PALLD: variants seen among roughly 807,000 people sequenced by gnomAD.
PALLD encodes palladin.
Under a neutral mutation model 123.5 loss-of-function variants are expected in PALLD, and 61 were observed. The observed-to-expected ratio is 0.49, with a 90% confidence interval of 0.40 to 0.61. PALLD has a LOEUF of 0.61. Ranked by LOEUF, PALLD falls within the 20% of genes least tolerant of loss-of-function variation. The pLI, the probability that PALLD is intolerant of heterozygous loss-of-function variation, is 0.00. For missense variants in PALLD, 1,273 were observed against 1,377.0 expected (o/e 0.92, Z 1.20); for synonymous variants, 465 against 496.4 (o/e 0.94, Z 0.84).
At position 168,597,285 on chromosome 4, in the gene PALLD, G is replaced by T. The variant is rs1425160886; in HGVS notation, c.909-70905G>T. ...TTTTAACACTACCTAGAATTAGCAA[G>T]AGTGTGGGGAAACAGGCACTCTCAT... On this transcript the variant is annotated intron_variant, in intron 2 of 21. Transcript: ENST00000505667. 2.0e-5 allele frequency among the ~76,000 whole-genome samples: 3 copies of T among 152,068 alleles called. No individual in the cohort carries two copies. The East Asian group carries it at 5.8e-4, about 29-fold the overall frequency.
intron 10 of PALLD, among the ~76,000 whole-genome samples, chr4:168,805,489 T>C (rs944781220): frequency 8.5e-5 from 13 of 152,340 alleles, no homozygotes; most frequent in South Asian, 6.2e-4. Flanking sequence ...TCCAATCCGA[T>C]GCTTAAACTT....
intron 10 of PALLD, among the ~76,000 whole-genome samples, chr4:168,766,463 C>T (rs953985400): frequency 1.3e-5 from 2 of 152,188 alleles, no homozygotes; most frequent in Admixed American, 6.5e-5. Context: ...TGAAAGCAGT[C>T]TTAGGGACTG....
chr4:168,734,835 G>C (rs979517887), intron 10 of PALLD, among the ~76,000 whole-genome samples: 1 of 152,070 alleles, frequency 6.6e-6, no homozygotes, highest in African/African-American at 2.4e-5. Flanking sequence ...GAGACAGGAA[G>C]ATCACTTGAG....
chr4:168,514,710 C>T (rs533885110), intron 2 of PALLD, among the ~76,000 whole-genome samples: 52 of 152,202 alleles, frequency 3.4e-4, no homozygotes, highest in African/African-American at 1.1e-3. Flanking sequence ...AAAACAGTTC[C>T]ACAGGTTTTC....
intron 2 of PALLD, among the ~76,000 whole-genome samples, chr4:168,607,410 T>C (rs1379036687): frequency 6.6e-6 from 1 of 152,212 alleles, no homozygotes; most frequent in Non-Finnish European, 1.5e-5. Flanking sequence ...CTGACTCATG[T>C]AATTTTGTCG....
At chr4:168,515,656 C>T (rs886855342) in intron 2 of PALLD, among the ~76,000 whole-genome samples, 2 of 152,184 alleles carry the variant, frequency 1.3e-5, no homozygotes, top group Non-Finnish European at 2.9e-5. Context: ...CACAGGAAAA[C>T]ATGGCAGCAG....
At chr4:168,537,115 C>T (rs957676282) in intron 2 of PALLD, among the ~76,000 whole-genome samples, 13 of 152,150 alleles carry the variant, frequency 8.5e-5, no homozygotes, top group African/African-American at 2.4e-4. Context: ...TGAGCCACCG[C>T]GCCCAGCGGA....
At chr4:168,891,732 G>A (rs1040433661) in intron 11 of PALLD, among the ~76,000 whole-genome samples, 2 of 151,876 alleles carry the variant, frequency 1.3e-5, no homozygotes, top group Non-Finnish European at 2.9e-5. Flanking sequence ...TGATAGGGTT[G>A]GGGAGGGATG....
intron 10 of PALLD, among the ~76,000 whole-genome samples, chr4:168,849,458 A>G (rs1307430438): frequency 6.6e-6 from 1 of 152,246 alleles, no homozygotes; most frequent in Non-Finnish European, 1.5e-5. Flanking sequence ...AGGAAGAGAC[A>G]GTGTATATTT....
At chr4:168,622,946 C>T (rs1220923206) in intron 2 of PALLD, among the ~76,000 whole-genome samples, 2 of 152,174 alleles carry the variant, frequency 1.3e-5, no homozygotes, top group Non-Finnish European at 2.9e-5. Flanking sequence ...CCACAGCCTC[C>T]CTAAGTAAAC....
intron 2 of PALLD, chr4:168,598,704 G>A: frequency 5.4e-6 from 2 of 369,184 alleles, no homozygotes; most frequent in Non-Finnish European, 5.4e-6. Flanking sequence ...CCTTTGTTTT[G>A]CAAGCTGTAC....
At chr4:168,566,707 C>A (rs963927864) in intron 2 of PALLD, among the ~76,000 whole-genome samples, 1 of 152,154 alleles carries the variant, frequency 6.6e-6, no homozygotes, top group African/African-American at 2.4e-5. Flanking sequence ...TAGCATGCTT[C>A]TTTCTACAGT....
intron 2 of PALLD, among the ~76,000 whole-genome samples, chr4:168,633,491 A>G (rs1580682071): frequency 6.6e-6 from 1 of 152,236 alleles, no homozygotes; most frequent in Admixed American, 6.5e-5. Flanking sequence ...TAGCTACTAT[A>G]TAATTTTTCA....
chr4:168,735,069 A>G (rs771612239), intron 10 of PALLD, among the ~76,000 whole-genome samples: 1 of 152,198 alleles, frequency 6.6e-6, no homozygotes, highest in African/African-American at 2.4e-5. Flanking sequence ...ATTCTCATGA[A>G]TATCAAAGAT....
chr4:168,561,181 G>A lies in PALLD; in HGVS notation c.908+48769G>A, dbSNP rs535916199. Among the ~76,000 whole-genome samples the A allele has an allele frequency of 2.0e-5, 3 of 152,166 alleles. No individual in the cohort carries two copies. In the East Asian group the frequency reaches 5.8e-4, roughly 29 times the overall value. On this transcript the variant is annotated intron_variant, in intron 2 of 21. Coordinates refer to ENST00000505667, the MANE Select transcript of PALLD (RefSeq NM_001166108.2). ...TCAGTGAAGCCCAAATCACCACCAA[G>A]ACCCCTTCCTTTCCCAAAGTTGCTA... is the stretch of plus-strand genomic sequence containing the variant.
chr4:168,602,770 T>C (rs1772797524), intron 2 of PALLD, among the ~76,000 whole-genome samples: 1 of 152,078 alleles, frequency 6.6e-6, no homozygotes, highest in Admixed American at 6.5e-5. Context: ...AACTTGAATA[T>C]ATACAGAGAG....
intron 2 of PALLD, among the ~76,000 whole-genome samples, chr4:168,517,668 C>A (rs1356595843): frequency 1.3e-5 from 2 of 152,184 alleles, no homozygotes; most frequent in East Asian, 1.9e-4. Context: ...TATCTCCCAT[C>A]TTTTGGCTGA....
At chr4:168,654,604 G>A (rs1778375161) in intron 2 of PALLD, 1 of 152,320 alleles carries the variant, frequency 6.6e-6, no homozygotes, top group South Asian at 2.1e-4. Context: ...GCAATTTGCT[G>A]TGAAAAACCA....
At chr4:168,830,629 GGCA>G (rs1744072947) in intron 10 of PALLD, among the ~76,000 whole-genome samples, 1 of 152,298 alleles carries the variant, frequency 6.6e-6, no homozygotes, top group African/African-American at 2.4e-5. Context: ...CTATATTTTA[GGCA>G]GCTAACAATT....
Sources: allele counts gnomAD v4.1 joint callset (sites outside exome capture counted in the v4.1 genomes callset), GRCh38; gene constraint gnomAD v4.1.1; transcripts MANE v1.5; gene names NCBI Gene and HGNC (gene_info 2026-07-23, HGNC 2026-07-21).